The following LDLRAD4 variants were observed in gnomAD, a reference collection of about 807,000 sequenced individuals.
The protein encoded by LDLRAD4 is low density lipoprotein receptor class A domain containing 4, also known as low-density lipoprotein receptor class A domain-containing protein 4.
A neutral mutation model predicts 17.0 loss-of-function variants in LDLRAD4; 5 were observed. That is an observed-to-expected ratio of 0.29 (90% CI 0.15 to 0.62). LDLRAD4 has a LOEUF of 0.62. LDLRAD4 is among the 20% of genes least tolerant of loss of function. LDLRAD4 has a pLI of 0.84. For missense variants in LDLRAD4, 340 were observed against 424.7 expected, an observed-to-expected ratio of 0.80 and a Z score of 1.75; for synonymous variants, 168 against 171.8, an observed-to-expected ratio of 0.98 and a Z score of 0.17.
Position 13,497,324 on chromosome 18 carries a change from A to G in LDLRAD4, c.181+58940A>G, listed in dbSNP as rs1371869845. Among the ~76,000 whole-genome samples the G allele has an allele frequency of 2.7e-5, 4 of 149,412 alleles. No individual in the cohort carries two copies. In the South Asian group the frequency reaches 6.8e-4, roughly 25 times the overall value. On this transcript the variant is annotated intron_variant, in intron 3 of 5. Transcript: ENST00000359446. ...CCGGAATAGCTGGGACTACCGGGAC[A>G]TGCCACCATGCCTAGCTAATTTGTT...
At chr18:13,285,570 G>C (rs2045574861) in intron 1 of LDLRAD4, among the ~76,000 whole-genome samples, 1 of 152,174 alleles carries the variant, frequency 6.6e-6, no homozygotes, top group Admixed American at 6.5e-5. Flanking sequence ...GGCGATGCTG[G>C]GTTAGCTTAG....
At chr18:13,620,947 G>A in intron 3 of LDLRAD4, 170 bp from the exon 5 acceptor site, 2 of 920,430 alleles carry the variant, frequency 2.2e-6, no homozygotes, top group Non-Finnish European at 3.4e-6. Flanking sequence ...CTGTGCCGTG[G>A]TGTCTCCTTC....
At chr18:13,647,278 T>C (rs2043050226) in exon 6 of LDLRAD4, 1 of 152,168 alleles carries the variant, frequency 6.6e-6, no homozygotes, top group Non-Finnish European at 1.5e-5. Flanking sequence ...ATGAAAAAAA[T>C]AACTTTCTTC....
intron 3 of LDLRAD4, among the ~76,000 whole-genome samples, chr18:13,576,944 G>C (rs1342386293): frequency 6.6e-6 from 1 of 152,228 alleles, no homozygotes; most frequent in Non-Finnish European, 1.5e-5. Flanking sequence ...AAAACAACAT[G>C]TCGTTGTCTG....
intron 1 of LDLRAD4, among the ~76,000 whole-genome samples, chr18:13,319,247 C>T (rs917271778): frequency 6.6e-6 from 1 of 152,238 alleles, no homozygotes; most frequent in Non-Finnish European, 1.5e-5. Flanking sequence ...ATGAACAACA[C>T]CCCTCTGAAG....
intron 1 of LDLRAD4, among the ~76,000 whole-genome samples, chr18:13,342,946 T>G (rs1453212142): frequency 6.6e-6 from 1 of 152,102 alleles, no homozygotes; most frequent in Non-Finnish European, 1.5e-5. Context: ...CATTACTTTC[T>G]CAGTGTTAAG....
intron 3 of LDLRAD4, among the ~76,000 whole-genome samples, chr18:13,453,119 C>T (rs906918858): frequency 8.5e-5 from 13 of 152,300 alleles, no homozygotes; most frequent in Admixed American, 6.5e-4. Flanking sequence ...ATCACAGGGA[C>T]AGTCATCGTT....
chr18:13,220,362 G>A (rs994547005), intron 1 of LDLRAD4, among the ~76,000 whole-genome samples: 1 of 152,154 alleles, frequency 6.6e-6, no homozygotes, highest in Non-Finnish European at 1.5e-5. Context: ...GTTGGCCATG[G>A]TCCTGGTTCG....
chr18:13,461,412 A>T (rs1000986722), intron 3 of LDLRAD4: 4 of 152,280 alleles, frequency 2.6e-5, no homozygotes, highest in Admixed American at 6.5e-5. Flanking sequence ...CACAAACGTC[A>T]TTGAAGAAGG....
chr18:13,402,235 C>A, intron 2 of LDLRAD4, among the ~76,000 whole-genome samples: 1 of 152,290 alleles, frequency 6.6e-6, no homozygotes, highest in African/African-American at 2.4e-5. Context: ...GGTTTCTGTG[C>A]AGGTGTCAGC....
chr18:13,270,255 C>T (rs2044454248), intron 1 of LDLRAD4, among the ~76,000 whole-genome samples: 1 of 151,848 alleles, frequency 6.6e-6, no homozygotes, highest in Non-Finnish European at 1.5e-5. Flanking sequence ...ATCACAGCTG[C>T]ATGGGAGGCT....
intron 4 of LDLRAD4, among the ~76,000 whole-genome samples, chr18:13,628,054 C>G (rs2041329469): frequency 1.3e-5 from 2 of 152,200 alleles, no homozygotes; most frequent in Non-Finnish European, 2.9e-5. Flanking sequence ...CAGGCAGTGT[C>G]CTGGGATCCC....
chr18:13,647,993 C>G (rs537205781), exon 6 of LDLRAD4: 1 of 152,258 alleles, frequency 6.6e-6, no homozygotes, highest in Non-Finnish European at 1.5e-5. Flanking sequence ...ATGAGGAGCC[C>G]GTGTTCCCAT....
At chr18:13,294,827 A>C (rs1487296860) in intron 1 of LDLRAD4, among the ~76,000 whole-genome samples, 2 of 152,114 alleles carry the variant, frequency 1.3e-5, no homozygotes, top group Admixed American at 1.3e-4. Context: ...AATAGTAAAA[A>C]AAAAAAAAAA....
chr18:13,260,998 C>T (rs2043788118), intron 1 of LDLRAD4, among the ~76,000 whole-genome samples: 1 of 152,372 alleles, frequency 6.6e-6, no homozygotes, highest in South Asian at 2.1e-4. Flanking sequence ...ACCTGGTTCC[C>T]TCTTTTCCAG....
intron 1 of LDLRAD4, among the ~76,000 whole-genome samples, chr18:13,320,788 A>G (rs2081175346): frequency 6.6e-6 from 1 of 152,154 alleles, no homozygotes; most frequent in Non-Finnish European, 1.5e-5. Context: ...TGTTGACCTC[A>G]TTGTTCCCTG....
intron 3 of LDLRAD4, among the ~76,000 whole-genome samples, chr18:13,548,943 C>G (rs2094402241): frequency 6.6e-6 from 1 of 152,258 alleles, no homozygotes; most frequent in Non-Finnish European, 1.5e-5. Context: ...ATTTTACCAT[C>G]TCAAGATGGG....
At chr18:13,558,493 G>T (rs555652814) in intron 3 of LDLRAD4, among the ~76,000 whole-genome samples, 1 of 152,226 alleles carries the variant, frequency 6.6e-6, no homozygotes, top group African/African-American at 2.4e-5. Context: ...AAGCATTAAA[G>T]CAGTAATAGA....
At chr18:13,343,353 A>G (rs1374288194) in intron 1 of LDLRAD4, among the ~76,000 whole-genome samples, 4 of 150,788 alleles carry the variant, frequency 2.7e-5, no homozygotes, top group African/African-American at 4.9e-5. Context: ...TGGCCTTGCA[A>G]TAGTTTGCTG....
Sources: allele counts gnomAD v4.1 joint callset (sites outside exome capture counted in the v4.1 genomes callset), GRCh38; gene constraint gnomAD v4.1.1; transcripts MANE v1.5; gene names NCBI Gene and HGNC (gene_info 2026-07-23, HGNC 2026-07-21).